The following ANO10 variants were observed in gnomAD, a reference collection of about 807,000 sequenced individuals.
ANO10 encodes the protein anoctamin 10, also known as anoctamin-10.
ANO10 carries 77 observed loss-of-function variants against 74.7 expected under a neutral mutation model. That is an observed-to-expected ratio of 1.03 (90% CI 0.86 to 1.25). ANO10 has a LOEUF of 1.25. Among genes scored for constraint, ANO10 ranks in the 50% most tolerant of loss-of-function variants. ANO10 has a pLI of 0.00. For missense variants in ANO10, 721 were observed against 778.1 expected, an observed-to-expected ratio of 0.93 and a Z score of 0.87; for synonymous variants, 279 against 284.9, an observed-to-expected ratio of 0.98 and a Z score of 0.21.
intron 11 of ANO10, among the ~76,000 whole-genome samples, chr3:43,510,417 G>A (rs1422736130): frequency 4.9e-5 from 6 of 123,376 alleles, no homozygotes; most frequent in African/African-American, 1.9e-4. Context: ...GGAGATAATA[G>A]TGAAACTCTG....
At chr3:43,640,837 A>G (rs1455130295) in intron 1 of ANO10, among the ~76,000 whole-genome samples, 3 of 152,208 alleles carry the variant, frequency 2.0e-5, no homozygotes, top group Admixed American at 2.0e-4. Context: ...CTTTTGATAG[A>G]TTGTCATGGT....
chr3:43,606,062 G>A (rs980444029), intron 1 of ANO10, among the ~76,000 whole-genome samples, 199 bp from the exon 2 acceptor site: 22 of 152,240 alleles, frequency 1.4e-4, no homozygotes, highest in Non-Finnish European at 2.4e-4. Flanking sequence ...TGGAAAGAAC[G>A]CCATCCTTTT....
intron 8 of ANO10, among the ~76,000 whole-genome samples, chr3:43,564,610 T>C (rs113727770): frequency 6.6e-6 from 1 of 152,322 alleles, no homozygotes; most frequent in African/African-American, 2.4e-5. Context: ...TTACTTGGCC[T>C]GTACACTGCT....
intron 1 of ANO10, among the ~76,000 whole-genome samples, chr3:43,670,733 T>C (rs1224205180): frequency 6.6e-6 from 1 of 152,236 alleles, no homozygotes; most frequent in African/African-American, 2.4e-5. Context: ...AGTAGATCTA[T>C]GGCTGGTAGC....
Position 43,665,888 on chromosome 3 carries a change from G to A in ANO10, c.-12+25629C>T, listed in dbSNP as rs2083986159. On this transcript the variant is annotated intron_variant, in intron 1 of 3. Transcript: ENST00000413397. ...TCAATTTAACATTTCCCAACTTGGT[G>A]GTGTTTAATTATACAATTATAAAGA... 1.3e-5 allele frequency among the ~76,000 whole-genome samples: 2 copies of A among 152,074 alleles called. 1 individual carries two copies. Among genetic ancestry groups the A allele is most frequent in the South Asian group, 4.1e-4 (2 of 4,826 alleles).
rs1311541267 is a variant in ANO10, at chr3:43,372,737, G to T, written c.1915-5763C>A. On this transcript the variant is annotated intron_variant, in intron 12 of 12. Coordinates refer to ENST00000292246, the MANE Select transcript of ANO10 (RefSeq NM_018075.5). ...AAATGTTCTATCCTACCTGGTATGT[G>T]GTCTCCAGAGAGCAGGGCCATGACT... The T allele has an allele frequency of 4.2e-6, 4 of 963,822 alleles. No homozygotes were observed. In the East Asian group the frequency reaches 1.1e-4, roughly 25 times the overall value. 59.7% of individuals were successfully genotyped at this position (963,822 alleles called of 1,614,324 possible). A position where few individuals can be genotyped will look rare whatever the true frequency, so the allele number is the denominator to read the frequency against.
At chr3:43,634,806 G>A (rs1031292216) in intron 1 of ANO10, among the ~76,000 whole-genome samples, 2 of 152,304 alleles carry the variant, frequency 1.3e-5, no homozygotes, top group East Asian at 3.9e-4. Flanking sequence ...ATTAGCACAG[G>A]CAATCAGAGG....
chr3:43,490,596 G>A (rs1327710715), intron 11 of ANO10, among the ~76,000 whole-genome samples: 1 of 152,158 alleles, frequency 6.6e-6, no homozygotes, highest in Non-Finnish European at 1.5e-5. Context: ...AGAAAAAGAT[G>A]GAAGGCTCCT....
At chr3:43,683,338 CAA>C (rs2084227093) in intron 1 of ANO10, among the ~76,000 whole-genome samples, 1 of 152,100 alleles carries the variant, frequency 6.6e-6, no homozygotes, top group African/African-American at 2.4e-5. Flanking sequence ...ACAATTGCTT[CAA>C]AGAGAATAAA....
chr3:43,637,020 G>C (rs1023774224), intron 1 of ANO10, among the ~76,000 whole-genome samples: 32 of 152,146 alleles, frequency 2.1e-4, no homozygotes, highest in African/African-American at 7.5e-4. Flanking sequence ...ATAAAAGTTA[G>C]CCAGGCAGAC....
chr3:43,648,697 G>T (rs1323494618), intron 1 of ANO10, among the ~76,000 whole-genome samples: 18 of 114,522 alleles, frequency 1.6e-4, no homozygotes, highest in African/African-American at 6.1e-4. Context: ...TTTTTTTTAA[G>T]ATGGAGTCTG....
intron 4 of ANO10, among the ~76,000 whole-genome samples, chr3:43,595,867 C>G (rs574253392): frequency 6.6e-6 from 1 of 152,096 alleles, no homozygotes; most frequent in Non-Finnish European, 1.5e-5. Flanking sequence ...AAAACCCCAT[C>G]GTCTCAGCCA....
intron 12 of ANO10, chr3:43,424,669 C>T (rs2092871512): frequency 6.6e-6 from 1 of 152,202 alleles, no homozygotes; most frequent in African/African-American, 2.4e-5. Context: ...CTCCCCATTC[C>T]CTGGCCCCCT....
chr3:43,627,051 A>G (rs983945700), intron 1 of ANO10, among the ~76,000 whole-genome samples: 1 of 152,114 alleles, frequency 6.6e-6, no homozygotes, highest in Non-Finnish European at 1.5e-5. Flanking sequence ...CCAAGGTGAT[A>G]ATTTACATAA....
chr3:43,576,846 G>A lies in ANO10; in HGVS notation c.1008C>T (p.Tyr336=). ...LYFSLYVMMI[Y]FDMEVWALGL... is the part of the protein sequence containing the mutation. ...CCAAGGCCCAAACCTCCATGTCGAA[G>A]TAAATCATCATGACATACAGTGAGA... The change falls in exon 6 of 13, where the codon TAC becomes TAT. Residue 336 remains tyrosine (Y), a synonymous_variant. Coordinates refer to ENST00000292246, the MANE Select transcript of ANO10 (RefSeq NM_018075.5). 2 of 1,614,170 alleles carry A rather than the reference G, an allele frequency of 1.2e-6. No individual in the cohort carries two copies.
chr3:43,609,615 G>A lies in ANO10; in HGVS notation c.-11-3752C>T, dbSNP rs1291272134. 3.3e-5 allele frequency among the ~76,000 whole-genome samples: 5 copies of A among 152,176 alleles called. No homozygotes were observed. The East Asian group carries it at 9.6e-4, about 29-fold the overall frequency. On this transcript the variant is annotated intron_variant, in intron 1 of 12. Coordinates refer to ENST00000292246, the MANE Select transcript of ANO10 (RefSeq NM_018075.5). The stretch of plus-strand genomic sequence containing the variant: ...TTCACTGTTGTGGAAACATCATAGA[G>A]TGTACTCATACAAACCTAGATGGCA...
At chr3:43,596,700 T>C (rs1198088904) in intron 4 of ANO10, among the ~76,000 whole-genome samples, 1 of 152,164 alleles carries the variant, frequency 6.6e-6, no homozygotes, top group Admixed American at 6.5e-5. Flanking sequence ...GACATAGGCA[T>C]GGGCAAGGAC....
intron 1 of ANO10, among the ~76,000 whole-genome samples, chr3:43,615,994 C>CT (rs751966004): frequency 1.6e-4 from 25 of 152,116 alleles, no homozygotes; most frequent in Non-Finnish European, 2.8e-4. Flanking sequence ...AGATATTTTG[C>CT]TTTTCTTCAC....
At chr3:43,522,132 G>C (rs935645482) in intron 11 of ANO10, among the ~76,000 whole-genome samples, 1 of 152,066 alleles carries the variant, frequency 6.6e-6, no homozygotes, top group African/African-American at 2.4e-5. Flanking sequence ...AAGTTGCCAG[G>C]GACTAGGGGA....
Sources: gnomAD v4.1 joint callset for allele counts (sites outside exome capture counted in the v4.1 genomes callset) on GRCh38, gnomAD v4.1.1 for gene constraint, MANE v1.5 for transcripts, NCBI Gene and HGNC (gene_info 2026-07-23, HGNC 2026-07-21) for gene names.